Variants in CNTNAP2 observed in about 807,000 individuals in gnomAD.
The protein encoded by CNTNAP2 is contactin-associated protein-like 2.
Under a neutral mutation model 155.2 loss-of-function variants are expected in CNTNAP2, and 98 were observed. The observed-to-expected ratio is 0.63, with a 90% CI of 0.54 to 0.75. The LOEUF is 0.75. Ranked by LOEUF, CNTNAP2 falls within the 30% of genes least tolerant of loss-of-function variation. The pLI is 0.00. For missense variants in CNTNAP2, 1,727 were observed against 1,688.1 expected, an observed-to-expected ratio of 1.02 and a Z score of -0.40; for synonymous variants, 651 against 631.2, an observed-to-expected ratio of 1.03 and a Z score of -0.47.
At chr7:146,979,955 C>T (rs1797982486) in intron 3 of CNTNAP2, among the ~76,000 whole-genome samples, 1 of 152,150 alleles carries the variant, frequency 6.6e-6, no homozygotes, top group African/African-American at 2.4e-5. Context: ...GTGGCTTTGA[C>T]ATTACTTTTA....
Position 146,731,732 on chromosome 7 carries a change from G to T in CNTNAP2, c.98-42539G>T, listed in dbSNP as rs1028941737. Among the ~76,000 whole-genome samples the T allele has an allele frequency of 1.2e-4, 18 of 152,216 alleles. No individual in the cohort carries two copies. The South Asian group carries it at 3.1e-3, about 26-fold the overall frequency. ...GTTTTTAACGTATAAAATTATTTGTGCCTGGGATTTAATTTCTTTAACACA... is the reference window on the plus strand; with the variant it reads ...GTTTTTAACGTATAAAATTATTTGTTCCTGGGATTTAATTTCTTTAACACA... On this transcript the variant is annotated intron_variant, in intron 1 of 23. Transcript: ENST00000361727.
intron 1 of CNTNAP2, among the ~76,000 whole-genome samples, chr7:146,157,690 G>A (rs1164120188): frequency 6.6e-6 from 1 of 152,188 alleles, no homozygotes; most frequent in Admixed American, 6.5e-5. Context: ...CTGGGGGAGG[G>A]GCGTCTGCCA....
chr7:147,142,216 T>C (rs1801612038), intron 8 of CNTNAP2, among the ~76,000 whole-genome samples: 3 of 152,192 alleles, frequency 2.0e-5, no homozygotes, highest in Non-Finnish European at 4.4e-5. Flanking sequence ...GGGTTTGTCA[T>C]AGACAGCTCT....
chr7:147,133,938 A>G (rs1801427882), intron 8 of CNTNAP2, among the ~76,000 whole-genome samples: 1 of 152,074 alleles, frequency 6.6e-6, no homozygotes, highest in Non-Finnish European at 1.5e-5. Context: ...TTCGTTTATA[A>G]GTATACCTAG....
chr7:146,160,891 C>T (rs937434799), intron 1 of CNTNAP2, among the ~76,000 whole-genome samples: 2 of 152,000 alleles, frequency 1.3e-5, no homozygotes, highest in African/African-American at 4.8e-5. Context: ...CTGGCACAGA[C>T]ACAACAAAAA....
chr7:147,754,727 T>G (rs1797190912), intron 13 of CNTNAP2, among the ~76,000 whole-genome samples: 2 of 152,118 alleles, frequency 1.3e-5, no homozygotes, highest in African/African-American at 4.8e-5. Context: ...ATTGAAGAAT[T>G]TGAGTAAATA....
Position 147,421,577 on chromosome 7 carries a change from T to A in CNTNAP2, c.1670+25797T>A, listed in dbSNP as rs1215390670. On this transcript the variant is annotated intron_variant, in intron 10 of 23. Transcript: ENST00000361727. ...GGGATCTGATATGTCCTGGTATGTC[T>A]ATCTAATCTGTGTGTGTGTGTGTGT... Among the ~76,000 whole-genome samples, 6 of 78,978 alleles carry A rather than the reference T, an allele frequency of 7.6e-5. No individual in the cohort carries two copies. In the East Asian group the frequency reaches 2.9e-3, roughly 38 times the overall value. 51.8% of individuals were successfully genotyped at this position (78,978 alleles called of 152,430 possible). A position where few individuals can be genotyped will look rare whatever the true frequency, so the allele number is the denominator to read the frequency against.
intron 1 of CNTNAP2, among the ~76,000 whole-genome samples, chr7:146,712,385 C>CTATATAGTAGACATATA (rs1232637853): frequency 7.7e-6 from 1 of 129,478 alleles, no homozygotes; most frequent in African/African-American, 3.1e-5. Context: ...CTTATGTATA[C>CTATATAGTAGACATATA]TATATATATA....
intron 3 of CNTNAP2, among the ~76,000 whole-genome samples, chr7:146,867,588 AATC>A (rs1220752080): frequency 6.6e-6 from 1 of 152,100 alleles, no homozygotes; most frequent in Non-Finnish European, 1.5e-5. Flanking sequence ...CTCTTTGAGG[AATC>A]ATCATGCTGC....
chr7:146,583,880 C>G (rs984571546), intron 1 of CNTNAP2, among the ~76,000 whole-genome samples: 1 of 152,114 alleles, frequency 6.6e-6, no homozygotes, highest in Non-Finnish European at 1.5e-5. Flanking sequence ...ATAACACTCT[C>G]CTTGTACTAG....
intron 18 of CNTNAP2, among the ~76,000 whole-genome samples, chr7:148,202,420 T>C (rs1309871630): frequency 6.6e-6 from 1 of 152,132 alleles, no homozygotes; most frequent in African/African-American, 2.4e-5. Context: ...TTCCAGAAAC[T>C]CATTTGAGGT....
chr7:146,397,883 TA>T (rs66850433), intron 1 of CNTNAP2, among the ~76,000 whole-genome samples: 52,781 of 148,710 alleles, frequency 0.35, 10,443 homozygotes, highest in Admixed American at 0.46. Flanking sequence ...TTTATTTATT[TA>T]TTTATTTTTG....
intron 1 of CNTNAP2, among the ~76,000 whole-genome samples, chr7:146,153,831 A>T (rs1324242449): frequency 6.6e-6 from 1 of 152,080 alleles, no homozygotes; most frequent in Non-Finnish European, 1.5e-5. Flanking sequence ...ATAATCTATT[A>T]TCATAATGTT....
At position 148,085,244 on chromosome 7, in the gene CNTNAP2, A is replaced by G. The variant is rs145096233; in HGVS notation, c.2384-32874A>G. On this transcript the variant is annotated intron_variant, in intron 15 of 23. Transcript: ENST00000361727. ...ATACATCGAGGTCTAAAAATTCAGT[A>G]CAAGTCAGATGTGTTCCTGCCTAGG... 5.9e-5 allele frequency among the ~76,000 whole-genome samples: 9 copies of G among 152,364 alleles called. No individual in the cohort carries two copies. In the East Asian group the frequency reaches 1.3e-3, roughly 23 times the overall value.
At chr7:148,011,742 A>G (rs1802086108) in intron 15 of CNTNAP2, among the ~76,000 whole-genome samples, 1 of 152,158 alleles carries the variant, frequency 6.6e-6, no homozygotes, top group Non-Finnish European at 1.5e-5. Context: ...AGTAGTGTAT[A>G]CTCAAACTGT....
At chr7:147,265,071 G>A (rs1239066101) in intron 8 of CNTNAP2, among the ~76,000 whole-genome samples, 1 of 152,114 alleles carries the variant, frequency 6.6e-6, no homozygotes, top group Admixed American at 6.5e-5. Context: ...CGTTGCTCAG[G>A]TTGTACTTCA....
chr7:146,728,569 AC>A (rs1200874554), intron 1 of CNTNAP2, among the ~76,000 whole-genome samples: 1 of 151,426 alleles, frequency 6.6e-6, no homozygotes, highest in African/African-American at 2.4e-5. Context: ...CAGGTTGTAC[AC>A]CGTAAATCTA....
At chr7:146,188,286 A>G (rs1009841734) in intron 1 of CNTNAP2, among the ~76,000 whole-genome samples, 8 of 152,206 alleles carry the variant, frequency 5.3e-5, no homozygotes, top group African/African-American at 1.9e-4. Flanking sequence ...GAGCTTTTCC[A>G]GTATAGCATT....
At chr7:147,620,044 C>G (rs1801364539) in intron 12 of CNTNAP2, among the ~76,000 whole-genome samples, 1 of 152,174 alleles carries the variant, frequency 6.6e-6, no homozygotes, top group Non-Finnish European at 1.5e-5. Context: ...GTCCAGTAAT[C>G]CATAGGATTC....
Sources: allele counts gnomAD v4.1 joint callset (sites outside exome capture counted in the v4.1 genomes callset), GRCh38; gene constraint gnomAD v4.1.1; transcripts MANE v1.5; gene names NCBI Gene and HGNC (gene_info 2026-07-23, HGNC 2026-07-21).